The following USP9X variants were observed in gnomAD, a reference collection of about 807,000 sequenced individuals.
USP9X encodes ubiquitin specific peptidase 9 X-linked.
Under a neutral mutation model 190.3 loss-of-function variants are expected in USP9X, and 7 were observed. The ratio of observed to expected loss-of-function variants is 0.04; its 90% CI spans 0.02 to 0.07. The LOEUF is 0.07. Among genes scored for constraint, USP9X ranks in the 10% least tolerant of loss-of-function variants. The pLI is 1.00. For missense variants in USP9X, 1,010 were observed against 1,916.9 expected, an observed-to-expected ratio of 0.53 and a Z score of 8.83; for synonymous variants, 645 against 659.5, an observed-to-expected ratio of 0.98 and a Z score of 0.34.
intron 17 of USP9X, 44 bp downstream of exon 17, chrX:41,167,621 G>A (rs749897852): frequency 3.6e-5 from 35 of 983,129 alleles, no homozygotes; most frequent in Admixed American, 5.6e-5. Context: ...TAATTCTTTC[G>A]GCCCCCATTT....
intron 31 of USP9X, among the ~76,000 whole-genome samples, chrX:41,204,277 G>A (rs1019661593): frequency 8.9e-6 from 1 of 111,753 alleles, no homozygotes; most frequent in Admixed American, 9.6e-5. Flanking sequence ...TGAGTTTTAA[G>A]AGTTCTCTGT....
chrX:41,164,412 T>C (rs2062661489), intron 15 of USP9X, among the ~76,000 whole-genome samples: 1 of 110,978 alleles, frequency 9.0e-6, no homozygotes, highest in Middle Eastern at 4.6e-3. Flanking sequence ...CCTCCCCACA[T>C]TGAGAGTTAC....
intron 41 of USP9X, among the ~76,000 whole-genome samples, chrX:41,226,008 C>G (rs1461107514): frequency 8.9e-6 from 1 of 112,646 alleles, no homozygotes; most frequent in Non-Finnish European, 1.9e-5. Context: ...TGACACTCTT[C>G]TGGACTTCAG....
rs369023066 is a variant in USP9X, at chrX:41,140,993, C to T, written c.798C>T (p.Leu266=). 1 of 1,191,696 alleles carries T rather than the reference C, an allele frequency of 8.4e-7. No homozygotes were observed. Among genetic ancestry groups the T allele is most frequent in the African/African-American group, 1.8e-5 (1 of 56,045 alleles). Reference sequence around the variant, plus strand: ...CATTTGGGCAATGCTATGAGTTTCTCACTCTTCATACAGTGAAAAAGTACT... The same window carrying T: ...CATTTGGGCAATGCTATGAGTTTCTTACTCTTCATACAGTGAAAAAGTACT... ...IKPFGQCYEF[L]TLHTVKKYFL... is the part of the protein sequence containing the mutation. Residue 266 remains leucine (L), a synonymous_variant, in exon 8 of 45, where the codon CTC becomes CTT. Coordinates refer to ENST00000378308, the MANE Select transcript of USP9X (RefSeq NM_001039591.3).
intron 1 of USP9X, among the ~76,000 whole-genome samples, chrX:41,089,914 T>G (rs1237546344): frequency 1.3e-5 from 1 of 77,549 alleles, no homozygotes; most frequent in Non-Finnish European, 2.5e-5. Flanking sequence ...TTTTTTTTTT[T>G]TTTTTTTTTT....
rs1346408024 is a variant in USP9X, at chrX:41,141,027, A to G, written c.832A>G (p.Ile278Val). 1 of 1,205,764 alleles carries G rather than the reference A, an allele frequency of 8.3e-7. No homozygotes were observed. ...LHTVKKYFLP[I>V]IEMVPQFLEN... is the part of the protein sequence containing the mutation. Reference sequence around the variant, plus strand: ...TACAGTGAAAAAGTACTTTCTTCCAATAATAGAAATGGTTCCACAGTTTTT... The same window carrying G: ...TACAGTGAAAAAGTACTTTCTTCCAGTAATAGAAATGGTTCCACAGTTTTT... The change falls in exon 8 of 45, where the codon ATA becomes GTA. Residue 278 changes from isoleucine (I) to valine (V), a missense_variant. Coordinates refer to ENST00000378308, the MANE Select transcript of USP9X (RefSeq NM_001039591.3).
chrX:41,213,725 A>G (rs2063186547), intron 33 of USP9X, among the ~76,000 whole-genome samples: 1 of 112,211 alleles, frequency 8.9e-6, no homozygotes, highest in Non-Finnish European at 1.9e-5. Context: ...GTAGTCTAAG[A>G]TCTAACTTTT....
Position 41,184,459 on chromosome X carries a change from G to A in USP9X, c.3342G>A (p.Gln1114=), listed in dbSNP as rs1569184011. The A allele has an allele frequency of 8.3e-6, 10 of 1,211,053 alleles. No homozygotes were observed. The highest frequency in any genetic ancestry group is 1.1e-5 in the Non-Finnish European group (10 of 895,320). The change falls in exon 23 of 45, where the codon CAG becomes CAA. Residue 1114 remains glutamine, a synonymous_variant. Coordinates refer to ENST00000378308, the MANE Select transcript of USP9X (RefSeq NM_001039591.3). ...TGGCTGATGATTCCTCTGATTTTCA[G>A]TTTCACTTCTTGAAAAGTGGTGGCC... ...APLADDSSDF[Q]FHFLKSGGLP...
intron 14 of USP9X, among the ~76,000 whole-genome samples, chrX:41,153,701 T>C (rs770131258): frequency 1.8e-5 from 2 of 112,383 alleles, no homozygotes; most frequent in African/African-American, 6.5e-5. Flanking sequence ...TCAGTCTGTG[T>C]GTGCAAGAGT....
intron 37 of USP9X, 122 bp from the exon 38 acceptor site, chrX:41,218,976 AGTTT>A: frequency 1.5e-6 from 1 of 676,995 alleles, no homozygotes; most frequent in Non-Finnish European, 2.1e-6. Context: ...AAAATAGTTT[AGTTT>A]GTGTGATCAG....
At chrX:41,166,660 TG>T (rs903812818) in intron 16 of USP9X, among the ~76,000 whole-genome samples, 1 of 111,869 alleles carries the variant, frequency 8.9e-6, no homozygotes, top group African/African-American at 3.3e-5. Context: ...TTTAAATACC[TG>T]GGGGAATAAA....
intron 21 of USP9X, among the ~76,000 whole-genome samples, chrX:41,179,063 A>G (rs1213993983): frequency 1.8e-5 from 2 of 111,370 alleles, no homozygotes; most frequent in Non-Finnish European, 3.8e-5. Flanking sequence ...ATTCTGTTCA[A>G]TTGATCTGTG....
chrX:41,228,237 T>C (rs186832318), intron 41 of USP9X, among the ~76,000 whole-genome samples: 1 of 112,387 alleles, frequency 8.9e-6, no homozygotes, highest in African/African-American at 3.2e-5. Flanking sequence ...AGCTGAATAA[T>C]ATTTTGTTTT....
intron 4 of USP9X, among the ~76,000 whole-genome samples, chrX:41,133,303 G>A (rs776387836): frequency 3.6e-5 from 4 of 111,316 alleles, no homozygotes; most frequent in Admixed American, 9.5e-5. Flanking sequence ...TCTTTTATAC[G>A]TTCACTAATT....
At chrX:41,217,160 T>C in intron 35 of USP9X, 60 bp from the exon 36 acceptor site, 2 of 1,141,824 alleles carry the variant, frequency 1.8e-6, no homozygotes, top group South Asian at 4.3e-5. Context: ...AAACACAGAC[T>C]TGTTTGAAAA....
chrX:41,221,269 AT>A (rs2063261501), intron 38 of USP9X, among the ~76,000 whole-genome samples: 1 of 112,081 alleles, frequency 8.9e-6, no homozygotes, highest in African/African-American at 3.2e-5. Flanking sequence ...CTTAAAAAAA[AT>A]TAAAAATTAA....
At position 41,219,638 on chromosome X, in the gene USP9X, A is replaced by G. The variant is rs138663208; in HGVS notation, c.6565+407A>G. Among the ~76,000 whole-genome samples the G allele has an allele frequency of 4.2e-4, 47 of 111,477 alleles. No individual in the cohort carries two copies. In the East Asian group the frequency reaches 0.012, roughly 29 times the overall value. On this transcript the variant is annotated intron_variant, in intron 38 of 44. Coordinates refer to ENST00000378308, the MANE Select transcript of USP9X (RefSeq NM_001039591.3). ...TTTAGATAGCAGACTTGGTCTGTAC[A>G]TAAGTTTTTGTTTAAGTAAACTACA...
chrX:41,152,491 TACAA>T (rs767427469), intron 13 of USP9X, among the ~76,000 whole-genome samples: 12 of 111,617 alleles, frequency 1.1e-4, no homozygotes, highest in Non-Finnish European at 1.5e-4. Flanking sequence ...CAAACTTGGC[TACAA>T]ACAGAGTGTC....
Position 41,125,684 on chromosome X carries a change from A to ACACACACACACACACTCT in USP9X, c.96+1961_96+1962insACACACACACACACTCTC. On this transcript the variant is annotated intron_variant, in intron 2 of 44. Transcript: ENST00000378308. ...CACACACACACACACACACACACAC[A>ACACACACACACACACTCT]CTCTCTCTCTCTCTCTCTCTCTCTC... 8.3e-3 allele frequency among the ~76,000 whole-genome samples: 157 copies of ACACACACACACACACTCT among 18,997 alleles called. 2 individuals are homozygous for ACACACACACACACACTCT. The highest frequency in any genetic ancestry group is 0.014 in the East Asian group (7 of 512). The allele number at this position is 18,997 out of a possible 115,157, so 16.5% of individuals were successfully genotyped here.
Sources: allele counts gnomAD v4.1 joint callset (sites outside exome capture counted in the v4.1 genomes callset), GRCh38; gene constraint gnomAD v4.1.1; transcripts MANE v1.5; gene names NCBI Gene and HGNC (gene_info 2026-07-23, HGNC 2026-07-21).